Variants in ASIC2 observed in about 807,000 individuals in gnomAD.
The protein encoded by ASIC2 is acid sensing ion channel subunit 2, also known as acid-sensing ion channel 2.
A neutral mutation model predicts 57.3 loss-of-function variants in ASIC2; 25 were observed. That is an observed-to-expected ratio of 0.44 (90% confidence interval 0.32 to 0.61). The LOEUF (loss-of-function observed/expected upper bound fraction) is 0.61. Among genes scored for constraint, ASIC2 ranks in the 20% least tolerant of loss-of-function variants. The pLI is 0.06. For missense variants in ASIC2, 641 were observed against 738.1 expected (o/e 0.87, Z 1.52); for synonymous variants, 319 against 307.5 (o/e 1.04, Z -0.39).
intron 1 of ASIC2, among the ~76,000 whole-genome samples, chr17:33,774,196 A>C (rs1317474631): frequency 1.3e-5 from 2 of 152,126 alleles, no homozygotes; most frequent in Non-Finnish European, 2.9e-5. Context: ...CTGTGACATT[A>C]ATTTGTTATT....
At chr17:33,905,504 C>T (rs1915328577) in intron 1 of ASIC2, among the ~76,000 whole-genome samples, 1 of 152,162 alleles carries the variant, frequency 6.6e-6, no homozygotes, top group Non-Finnish European at 1.5e-5. Flanking sequence ...GAGGCATGTG[C>T]TGACATAGAT....
At chr17:33,277,848 G>A (rs1330320417) in intron 1 of ASIC2, among the ~76,000 whole-genome samples, 1 of 152,142 alleles carries the variant, frequency 6.6e-6, no homozygotes, top group Non-Finnish European at 1.5e-5. Flanking sequence ...TTAGCATTCC[G>A]GAGGTCAATA....
chr17:33,727,303 A>G (rs980296194), intron 1 of ASIC2, among the ~76,000 whole-genome samples: 1 of 152,246 alleles, frequency 6.6e-6, no homozygotes, highest in African/African-American at 2.4e-5. Context: ...CCATGTCTAT[A>G]TGCAGGAACT....
chr17:33,615,064 G>T (rs1161240803), intron 1 of ASIC2, among the ~76,000 whole-genome samples: 2 of 152,160 alleles, frequency 1.3e-5, no homozygotes, highest in Non-Finnish European at 2.9e-5. Context: ...TCTTCCTCTT[G>T]TATGGATGTA....
chr17:33,791,328 A>T (rs2142136732), intron 1 of ASIC2, among the ~76,000 whole-genome samples: 2 of 152,294 alleles, frequency 1.3e-5, no homozygotes, highest in Non-Finnish European at 2.9e-5. Flanking sequence ...AATATGAGCA[A>T]ATTGAAGCCC....
chr17:33,963,764 CTT>C (rs1255498456), intron 1 of ASIC2, among the ~76,000 whole-genome samples: 1 of 152,082 alleles, frequency 6.6e-6, no homozygotes, highest in Non-Finnish European at 1.5e-5. Context: ...AAACATGAGT[CTT>C]TAGTTCATGG....
intron 1 of ASIC2, among the ~76,000 whole-genome samples, chr17:33,118,933 G>A (rs1235797190): frequency 6.6e-6 from 1 of 152,122 alleles, no homozygotes; most frequent in Non-Finnish European, 1.5e-5. Flanking sequence ...GTGATCTGCT[G>A]GGGTATTCCG....
chr17:33,687,250 A>C (rs573750296), intron 1 of ASIC2, among the ~76,000 whole-genome samples: 2 of 152,246 alleles, frequency 1.3e-5, no homozygotes, highest in East Asian at 3.9e-4. Flanking sequence ...TCATGAACGG[A>C]GTGGCGTCAG....
At position 33,164,361 on chromosome 17, in the gene ASIC2, T is replaced by C. The variant is rs562671930; in HGVS notation, c.709-52294A>G. Among the ~76,000 whole-genome samples the C allele has an allele frequency of 4.6e-5, 7 of 152,304 alleles. No homozygotes were observed. In the East Asian group the frequency reaches 1.4e-3, roughly 29 times the overall value. On this transcript the variant is annotated intron_variant, in intron 1 of 9. Transcript: ENST00000225823. ...GATGAATTGCTGTTTTCCTGAGCTC[T>C]GGCTGGAGTTGCTCTTCCCTGTGAT...
intron 1 of ASIC2, among the ~76,000 whole-genome samples, chr17:33,483,126 C>A (rs1184968998): frequency 1.4e-5 from 2 of 148,102 alleles, no homozygotes; most frequent in African/African-American, 2.4e-5. Flanking sequence ...CCTGCATCCC[C>A]ACGCCACACA....
intron 1 of ASIC2, among the ~76,000 whole-genome samples, chr17:33,715,375 G>T (rs756991150): frequency 2.0e-5 from 3 of 152,164 alleles, no homozygotes; most frequent in African/African-American, 7.2e-5. Context: ...AATTCCCATG[G>T]GAACGTGGCT....
intron 1 of ASIC2, among the ~76,000 whole-genome samples, chr17:33,370,384 C>T (rs1365814486): frequency 6.6e-6 from 1 of 152,216 alleles, no homozygotes; most frequent in Middle Eastern, 3.2e-3. Context: ...GCTCTGCTTT[C>T]CAACAAATTA....
At chr17:33,569,980 G>A (rs1313543440) in intron 1 of ASIC2, among the ~76,000 whole-genome samples, 3 of 151,072 alleles carry the variant, frequency 2.0e-5, no homozygotes, top group African/African-American at 4.9e-5. Context: ...CTTTTCTCCC[G>A]CCCTCTTTCT....
At chr17:33,668,637 A>T (rs1346542534) in intron 1 of ASIC2, among the ~76,000 whole-genome samples, 1 of 152,170 alleles carries the variant, frequency 6.6e-6, no homozygotes, top group Non-Finnish European at 1.5e-5. Context: ...CTTTTACCAC[A>T]TAAGGTCACA....
intron 1 of ASIC2, among the ~76,000 whole-genome samples, chr17:33,712,635 G>GTTTTTTTTTTTTTTTTTTTTT (rs1567695931): frequency 8.1e-6 from 1 of 123,324 alleles, no homozygotes; most frequent in African/African-American, 3.2e-5. Context: ...TACTCATATG[G>GTTTTTTTTTTTTTTTTTTTTT]CTTTTTTTTT....
chr17:33,143,771 C>G (rs1450604440), intron 1 of ASIC2, among the ~76,000 whole-genome samples: 1 of 152,162 alleles, frequency 6.6e-6, no homozygotes, highest in African/African-American at 2.4e-5. Context: ...AAAATCCAAC[C>G]CTAAGCTAGT....
rs1474099246 is a variant in ASIC2, at chr17:33,291,699, G to A, written c.417C>T (p.Asn139=). The change falls in exon 1 of 10, where the codon AAC becomes AAT. Residue 139 remains asparagine, a synonymous_variant. Transcript: ENST00000225823. ...PFPAVTVCNN[N]PLRFPRLSKG... is the part of the protein sequence containing the mutation. ...TGGAGAGGCGCGGGAAGCGCAGCGG[G>A]TTGTTGTTGCACACAGTGACGGCGG... 2.5e-6 allele frequency: 4 copies of A among 1,613,548 alleles called. No individual in the cohort carries two copies. In the Admixed American group the frequency reaches 6.7e-5, roughly 27 times the overall value.
At chr17:34,100,311 T>C (rs1287099587) in intron 1 of ASIC2, among the ~76,000 whole-genome samples, 4 of 151,982 alleles carry the variant, frequency 2.6e-5, no homozygotes, top group African/African-American at 4.8e-5. Flanking sequence ...TGGAGCCTGG[T>C]TTATAATGCA....
chr17:33,178,946 C>T (rs1465135300), intron 1 of ASIC2, among the ~76,000 whole-genome samples: 1 of 152,216 alleles, frequency 6.6e-6, no homozygotes, highest in African/African-American at 2.4e-5. Context: ...CAGCCCAGAA[C>T]TCATCAGAGG....
Sources: gnomAD v4.1 joint callset for allele counts (sites outside exome capture counted in the v4.1 genomes callset) on GRCh38, gnomAD v4.1.1 for gene constraint, MANE v1.5 for transcripts, NCBI Gene and HGNC (gene_info 2026-07-23, HGNC 2026-07-21) for gene names.